Variants in INF2 observed in about 807,000 individuals in gnomAD.
INF2 encodes the protein inverted formin-2.
In INF2, 43 loss-of-function variants were observed where a neutral mutation model predicts 123.5. That is an observed-to-expected ratio of 0.35 (90% CI 0.27 to 0.45). The LOEUF is 0.45. INF2 is among the 20% of genes least tolerant of loss of function. INF2 has a pLI of 1.00. For synonymous variants in INF2, 851 were observed against 745.0 expected, an observed-to-expected ratio of 1.14 and a Z score of -2.32; for missense variants, 1,453 against 1,682.7, an observed-to-expected ratio of 0.86 and a Z score of 2.39.
At chr14:104,689,900 G>A (rs938014782) in intron 1 of INF2, among the ~76,000 whole-genome samples, 161 bp downstream of exon 1, 4 of 151,744 alleles carry the variant, frequency 2.6e-5, no homozygotes, top group African/African-American at 9.7e-5. Flanking sequence ...TCCCGGGCGG[G>A]GACCCCAGGG....
intron 1 of INF2, chr14:104,700,905 G>A (rs951738542): frequency 3.7e-5 from 36 of 979,326 alleles, no homozygotes; most frequent in Middle Eastern, 5.2e-4. Context: ...TGGGGCGGGG[G>A]AAGTGCCCTG....
rs1484298699 is a variant in INF2, at chr14:104,701,776, G to A, written c.391+20G>A. ...CCCAGGGTGAGCCGCAGTGTGGGAG[G>A]GCCGCCCAGGCGGACGCTGGGGACC... On this transcript the variant is annotated intron_variant, in intron 2 of 22. Transcript: ENST00000392634. 2.0e-6 allele frequency: 3 copies of A among 1,467,384 alleles called. No individual in the cohort carries two copies. The South Asian group carries it at 4.2e-5, about 20-fold the overall frequency. The allele number at this position is 1,467,384 out of a possible 1,614,324, so 90.9% of individuals were successfully genotyped here.
At chr14:104,712,308 A>T in intron 16 of INF2, 125 bp from the exon 17 acceptor site, 1 of 1,301,362 alleles carries the variant, frequency 7.7e-7, no homozygotes, top group Non-Finnish European at 1.1e-6. Flanking sequence ...CTGCACGTGC[A>T]GCCTCAGAGT....
chr14:104,711,799 C>T (rs1325500740), intron 16 of INF2, 100 bp downstream of exon 16: 10 of 1,118,364 alleles, frequency 8.9e-6, no homozygotes, highest in South Asian at 1.4e-5. Flanking sequence ...GGTCTCACAG[C>T]TGCAGCGCAG....
At chr14:104,696,091 C>G (rs574007925) in intron 1 of INF2, among the ~76,000 whole-genome samples, 2 of 152,224 alleles carry the variant, frequency 1.3e-5, no homozygotes, top group African/African-American at 4.8e-5. Flanking sequence ...CGTCACCATG[C>G]GGCCTGCTTC....
chr14:104,702,029 C>A (rs1889537647), intron 2 of INF2, among the ~76,000 whole-genome samples: 1 of 152,182 alleles, frequency 6.6e-6, no homozygotes, highest in Non-Finnish European at 1.5e-5. Context: ...CTGCCCCACC[C>A]TTCCTCCCCG....
upstream of INF2, among the ~76,000 whole-genome samples, chr14:104,688,921 G>GC (rs892476009): frequency 1.3e-5 from 2 of 152,238 alleles, no homozygotes; most frequent in Non-Finnish European, 2.9e-5. Context: ...GGGGATGGGT[G>GC]CCCCCCTCAA....
chr14:104,703,080 G>C (rs1388701682), intron 2 of INF2, 25 bp from the exon 3 acceptor site: 26 of 1,582,622 alleles, frequency 1.6e-5, no homozygotes, highest in Non-Finnish European at 2.3e-5. Context: ...TGGCCCTGCT[G>C]AGCCTGCCCA....
At position 104,703,933 on chromosome 14, in the gene INF2, G is replaced by T; in HGVS notation, c.685G>T (p.Val229Phe). 2 of 1,610,816 alleles carry T rather than the reference G, an allele frequency of 1.2e-6. No homozygotes were observed. Among genetic ancestry groups the T allele is most frequent in the Non-Finnish European group, 1.7e-6 (2 of 1,179,982 alleles). ...NEFIGLQLLD[V>F]LARLRDLEDA... is the part of the protein sequence containing the mutation. ...CTTCCCAGGGCTGCAGCTGCTGGAC[G>T]TCCTGGCTCGCCTGCGGTGAGTCCC... Residue 229 changes from valine (V) to phenylalanine (F), a missense_variant, in exon 5 of 23, where the codon GTC (valine) becomes TTC (phenylalanine). Val to Phe is a conservative substitution (Grantham distance 50). Coordinates refer to ENST00000392634, the MANE Select transcript of INF2 (RefSeq NM_022489.4).
chr14:104,711,601 G>C, intron 15 of INF2, 28 bp from the exon 16 acceptor site: 1 of 1,604,786 alleles, frequency 6.2e-7, no homozygotes, highest in Non-Finnish European at 8.5e-7. Context: ...TGACCACAGT[G>C]GATCTCACTG....
intron 1 of INF2, among the ~76,000 whole-genome samples, chr14:104,691,703 C>T (rs1888961496): frequency 6.6e-6 from 1 of 152,168 alleles, no homozygotes; most frequent in South Asian, 2.1e-4. Flanking sequence ...CTAAGTTCTA[C>T]CAACGGTGGG....
chr14:104,711,723 C>T, intron 16 of INF2, 24 bp downstream of exon 16: 1 of 1,608,766 alleles, frequency 6.2e-7, no homozygotes, highest in Non-Finnish European at 8.5e-7. Context: ...GCCAGCCCGC[C>T]CACCTCAGCC....
At chr14:104,686,752 C>T (rs1025453983), upstream of INF2, among the ~76,000 whole-genome samples, 1 of 152,178 alleles carries the variant, frequency 6.6e-6, no homozygotes, top group African/African-American at 2.4e-5. Flanking sequence ...TGCAAGTGGC[C>T]GCCTGCTGCA....
At chr14:104,694,418 G>A (rs540901187) in intron 1 of INF2, among the ~76,000 whole-genome samples, 6 of 152,358 alleles carry the variant, frequency 3.9e-5, no homozygotes, top group Non-Finnish European at 7.3e-5. Flanking sequence ...GTCAAGAGAC[G>A]CTGAGCAGGG....
intron 1 of INF2, among the ~76,000 whole-genome samples, chr14:104,694,113 C>T (rs1168493303): frequency 6.6e-6 from 1 of 152,238 alleles, no homozygotes; most frequent in East Asian, 1.9e-4. Flanking sequence ...GAGGTGCAGG[C>T]CCAACAGTGA....
chr14:104,709,590 G>T (rs762207480), intron 11 of INF2, 30 bp from the exon 12 acceptor site: 1 of 1,593,630 alleles, frequency 6.3e-7, no homozygotes, highest in Non-Finnish European at 8.6e-7. Flanking sequence ...TGGCATGGGG[G>T]GATCCCACAT....
rs1222349018 is a variant in INF2 at position 104,713,244 on chromosome 14, AGAG to A, written c.2819_2821del (p.Arg940del). The A allele has an allele frequency of 6.4e-7, 1 of 1,552,654 alleles. No homozygotes were observed. The highest frequency in any genetic ancestry group is 1.2e-5 in the South Asian group (1 of 84,598). On this transcript the variant is annotated inframe_deletion, in exon 19 of 23. Coordinates refer to ENST00000392634, the MANE Select transcript of INF2 (RefSeq NM_022489.4). ...CGGAAGGAGCAGGCGGCGAAGGCAG[AGAG>A]GAGGAAGCAGCAGCTGGCGGAGGAG...
chr14:104,712,433 G>C lies in INF2; in HGVS notation c.2490G>C (p.Gly830=), dbSNP rs1890098632. The change falls in exon 17 of 23, where the codon GGG becomes GGC. Residue 830 remains glycine (G), a splice_region_variant and synonymous_variant. Coordinates refer to ENST00000392634, the MANE Select transcript of INF2 (RefSeq NM_022489.4). ...CTGCCCGGCCCTCCTCACCTTTCAG[G>C]ATCAACCTGGAGATCATCCGCTCAG... ...RDLEQPSQAA[G]INLEIIRSEA... 2 of 1,612,360 alleles carry C rather than the reference G, an allele frequency of 1.2e-6. No homozygotes were observed. The highest frequency in any genetic ancestry group is 1.7e-6 in the Non-Finnish European group (2 of 1,179,752).
chr14:104,688,568 T>C (rs556611127), upstream of INF2, among the ~76,000 whole-genome samples: 2 of 152,236 alleles, frequency 1.3e-5, no homozygotes, highest in African/African-American at 4.8e-5. Context: ...ATACAGCCCT[T>C]ACGGGTACTT....
Sources: gnomAD v4.1 joint callset for allele counts (sites outside exome capture counted in the v4.1 genomes callset) on GRCh38, gnomAD v4.1.1 for gene constraint, MANE v1.5 for transcripts, NCBI Gene and HGNC (gene_info 2026-07-23, HGNC 2026-07-21) for gene names.